Variants in LUZP2 observed in about 807,000 individuals in gnomAD.
LUZP2 encodes the protein leucine zipper protein 2.
LUZP2 carries 52 observed loss-of-function variants against 51.6 expected under a neutral mutation model. That is an observed-to-expected ratio of 1.01 (90% CI 0.81 to 1.27). LUZP2 has a LOEUF of 1.27. Among genes scored for constraint, LUZP2 ranks in the 50% most tolerant of loss-of-function variants. The probability of loss-of-function intolerance (pLI) is 0.00; values close to 1 mark genes in which losing one functional copy is unlikely to be tolerated. For missense variants in LUZP2, 436 were observed against 395.4 expected, an observed-to-expected ratio of 1.10 and a Z score of -0.87; for synonymous variants, 154 against 137.3, an observed-to-expected ratio of 1.12 and a Z score of -0.85.
chr11:24,527,906 A>G (rs557179109), intron 1 of LUZP2, among the ~76,000 whole-genome samples: 2 of 151,426 alleles, frequency 1.3e-5, no homozygotes, highest in Non-Finnish European at 1.5e-5. Context: ...GTGATTTATA[A>G]TTGGTAGTGC....
intron 7 of LUZP2, among the ~76,000 whole-genome samples, chr11:24,947,415 G>T (rs888596974): frequency 1.3e-5 from 2 of 151,808 alleles, no homozygotes; most frequent in Non-Finnish European, 2.9e-5. Flanking sequence ...CAGACACACT[G>T]AATAGCTTAC....
chr11:24,937,993 A>G lies in LUZP2; in HGVS notation c.522+23455A>G, dbSNP rs540467561. ...TCCATCGTCTGGCATATGTAAAACT[A>G]GATTGCCCACCTTTTCTCCTTCAAG... On this transcript the variant is annotated intron_variant, in intron 7 of 11. Transcript: ENST00000336930. Among the ~76,000 whole-genome samples the G allele has an allele frequency of 3.8e-3, 576 of 152,226 alleles. 2 individuals carry two copies. The highest frequency in any genetic ancestry group is 0.013 in the African/African-American group (536 of 41,556).
At chr11:24,918,683 A>G (rs1416786772) in intron 7 of LUZP2, among the ~76,000 whole-genome samples, 1 of 151,546 alleles carries the variant, frequency 6.6e-6, no homozygotes, top group African/African-American at 2.4e-5. Context: ...GAAAAATTTC[A>G]AAAAAGTGTC....
In LUZP2 at chr11:24,917,728, G is replaced by A. The variant is rs529299225; in HGVS notation, c.522+3190G>A. ...TTGGTACCAGTACCATGCTGTTTTG[G>A]TTACTGTAGCCTTGTAGTATAACTT... On this transcript the variant is annotated intron_variant, in intron 7 of 11. Transcript: ENST00000336930. Among the ~76,000 whole-genome samples, 30 of 152,210 alleles carry A rather than the reference G, an allele frequency of 2.0e-4. No individual in the cohort carries two copies. In the South Asian group the frequency reaches 6.2e-3, roughly 32 times the overall value.
At chr11:24,898,946 A>C (rs1853180319) in intron 5 of LUZP2, among the ~76,000 whole-genome samples, 1 of 151,664 alleles carries the variant, frequency 6.6e-6, no homozygotes, top group South Asian at 2.1e-4. Context: ...GAATACAAAC[A>C]AACAAAAGAT....
chr11:24,966,816 T>C lies in LUZP2; in HGVS notation c.523-9775T>C, dbSNP rs910319447. On this transcript the variant is annotated intron_variant, in intron 7 of 11. Transcript: ENST00000336930. ...ATCAGTTGATATATCCATTATATAATGTAAAAATATATATGTATACATTAT... is the reference window on the plus strand; with the variant it reads ...ATCAGTTGATATATCCATTATATAACGTAAAAATATATATGTATACATTAT... Among the ~76,000 whole-genome samples the C allele has an allele frequency of 2.0e-5, 3 of 147,388 alleles. No homozygotes were observed. The South Asian group carries it at 6.3e-4, about 31-fold the overall frequency.
chr11:24,548,335 T>C (rs1477051914), intron 1 of LUZP2, among the ~76,000 whole-genome samples: 2 of 151,974 alleles, frequency 1.3e-5, no homozygotes, highest in Admixed American at 6.6e-5. Context: ...ATAAAGAAAA[T>C]GTGGTACATA....
chr11:24,517,973 A>G (rs781620593), intron 1 of LUZP2, among the ~76,000 whole-genome samples: 14 of 152,142 alleles, frequency 9.2e-5, no homozygotes, highest in Non-Finnish European at 1.8e-4. Context: ...TCCAGGGATT[A>G]TTTTTGAAAT....
intron 1 of LUZP2, among the ~76,000 whole-genome samples, chr11:24,607,662 C>T (rs71474709): frequency 0.018 from 2,715 of 151,814 alleles, 30 homozygotes; most frequent in African/African-American, 0.023. Context: ...GATTTTTGTG[C>T]GTGTGTGAAA....
intron 1 of LUZP2, among the ~76,000 whole-genome samples, chr11:24,719,548 G>T (rs1332142546): frequency 6.6e-6 from 1 of 152,180 alleles, no homozygotes; most frequent in African/African-American, 2.4e-5. Context: ...CAATCTCTGA[G>T]AAATAAAATA....
chr11:24,601,285 A>G (rs543332671), intron 1 of LUZP2, among the ~76,000 whole-genome samples: 77 of 152,158 alleles, frequency 5.1e-4, no homozygotes, highest in African/African-American at 1.7e-3. Context: ...ATTATTGTTT[A>G]TATTTTGAGG....
chr11:24,542,606 C>T (rs1851406844), intron 1 of LUZP2, among the ~76,000 whole-genome samples: 2 of 151,178 alleles, frequency 1.3e-5, no homozygotes, highest in Admixed American at 1.3e-4. Context: ...TTTTCATAAT[C>T]AATGAAACAA....
rs535662041 is a variant in LUZP2, at chr11:24,686,853, T to C, written c.63-42316T>C. ...ACATTTTATGTTAAAGGTTTGACCCTGCTCATGCTGCTTCCCCGAGAGTTG... is the reference window on the plus strand; with the variant it reads ...ACATTTTATGTTAAAGGTTTGACCCCGCTCATGCTGCTTCCCCGAGAGTTG... On this transcript the variant is annotated intron_variant, in intron 1 of 11. Transcript: ENST00000336930. Among the ~76,000 whole-genome samples the C allele has an allele frequency of 2.3e-3, 356 of 152,266 alleles. 2 individuals carry two copies. The highest frequency in any genetic ancestry group is 8.2e-3 in the African/African-American group (342 of 41,554).
At chr11:24,968,624 C>G (rs1441906135) in intron 7 of LUZP2, among the ~76,000 whole-genome samples, 1 of 152,128 alleles carries the variant, frequency 6.6e-6, no homozygotes, top group Non-Finnish European at 1.5e-5. Flanking sequence ...TGTAGACCAA[C>G]TCTCAGCCAA....
At chr11:24,834,622 G>C (rs1203680970) in intron 5 of LUZP2, among the ~76,000 whole-genome samples, 1 of 152,188 alleles carries the variant, frequency 6.6e-6, no homozygotes, top group Non-Finnish European at 1.5e-5. Context: ...CAATGGTATT[G>C]CTGGGTCAAA....
chr11:24,707,246 T>C (rs1278886007), intron 1 of LUZP2, among the ~76,000 whole-genome samples: 15 of 151,994 alleles, frequency 9.9e-5, no homozygotes, highest in Admixed American at 9.8e-4. Context: ...TATTCAAATC[T>C]ATTCTGTAAA....
chr11:24,721,952 T>A (rs532761171), intron 1 of LUZP2, among the ~76,000 whole-genome samples: 1 of 152,268 alleles, frequency 6.6e-6, no homozygotes, highest in South Asian at 2.1e-4. Flanking sequence ...AATATTTCAA[T>A]TTGATGGATT....
chr11:24,565,123 C>T (rs1381896085), intron 1 of LUZP2, among the ~76,000 whole-genome samples: 1 of 152,070 alleles, frequency 6.6e-6, no homozygotes, highest in Admixed American at 6.6e-5. Flanking sequence ...TCCACTCCTA[C>T]CAAAAAATTG....
chr11:24,933,062 A>C (rs575222533), intron 7 of LUZP2, among the ~76,000 whole-genome samples: 1 of 152,138 alleles, frequency 6.6e-6, no homozygotes, highest in African/African-American at 2.4e-5. Flanking sequence ...GATAAGGTCA[A>C]ATCATTCTCC....
Sources: allele counts gnomAD v4.1 joint callset (sites outside exome capture counted in the v4.1 genomes callset), GRCh38; gene constraint gnomAD v4.1.1; transcripts MANE v1.5; gene names NCBI Gene and HGNC (gene_info 2026-07-23, HGNC 2026-07-21).